The following STAB2 variants were observed in gnomAD, a reference collection of about 807,000 sequenced individuals.
The protein encoded by STAB2 is stabilin-2.
Under a neutral mutation model 338.1 loss-of-function variants are expected in STAB2, and 288 were observed. The observed-to-expected ratio is 0.85, with a 90% CI of 0.77 to 0.94. The LOEUF (loss-of-function observed/expected upper bound fraction) is 0.94. Ranked by LOEUF, STAB2 falls within the 40% of genes least tolerant of loss-of-function variation. The probability of loss-of-function intolerance (pLI) is 0.00; values close to 1 mark genes in which losing one functional copy is unlikely to be tolerated. For synonymous variants in STAB2, 1,202 were observed against 1,193.3 expected (o/e 1.01, Z -0.15); for missense variants, 3,141 against 3,210.1 (o/e 0.98, Z 0.52).
At chr12:103,749,305 C>G (rs1019515953) in intron 59 of STAB2, 149 bp downstream of exon 59, 1 of 912,208 alleles carries the variant, frequency 1.1e-6, no homozygotes, top group Admixed American at 3.0e-5. Flanking sequence ...AGTCATTGGG[C>G]TAAATGCAAG....
chr12:103,730,151 A>C lies in STAB2; in HGVS notation c.5118A>C (p.Ile1706=). The C allele has an allele frequency of 6.2e-7, 1 of 1,612,638 alleles. No homozygotes were observed. Among genetic ancestry groups the C allele is most frequent in the Non-Finnish European group, 8.5e-7 (1 of 1,179,548 alleles). The change falls in exon 49 of 69, where the codon ATA becomes ATC. Residue 1706 remains isoleucine (I), a synonymous_variant. Coordinates refer to ENST00000388887, the MANE Select transcript of STAB2 (RefSeq NM_017564.10). ...ATATAAACAATAAGGCTAAGATCATATCCAGTGATATCATCAGTACTAATG... is the reference window on the plus strand; with the variant it reads ...ATATAAACAATAAGGCTAAGATCATCTCCAGTGATATCATCAGTACTAATG... The part of the protein sequence containing the change: ...TVYINNKAKI[I]SSDIISTNGI...
chr12:103,743,540 A>G (rs1882760204), intron 56 of STAB2, among the ~76,000 whole-genome samples: 1 of 152,210 alleles, frequency 6.6e-6, no homozygotes, highest in Non-Finnish European at 1.5e-5. Flanking sequence ...ACGCAAGGGG[A>G]CCAAGCATGA....
chr12:103,758,314 G>T, intron 64 of STAB2, 25 bp downstream of exon 64: 1 of 1,610,698 alleles, frequency 6.2e-7, no homozygotes. Context: ...TGGTGCCTTT[G>T]CTTTAGACTA....
At chr12:103,673,284 C>A (rs1013165496) in intron 22 of STAB2, among the ~76,000 whole-genome samples, 1 of 152,096 alleles carries the variant, frequency 6.6e-6, no homozygotes, top group Non-Finnish European at 1.5e-5. Flanking sequence ...TTCAAAGCGT[C>A]ACATCCTCTT....
chr12:103,654,918 A>AT lies in STAB2; in HGVS notation c.1551+229dup, dbSNP rs547008988. On this transcript the variant is annotated intron_variant, in intron 13 of 68. Coordinates refer to ENST00000388887, the MANE Select transcript of STAB2 (RefSeq NM_017564.10). ...AGTAACATATGTGGGAAAGATCTGG[A>AT]TTTTTTTTTACCTCTTTTATTACTG... 5.8e-4 allele frequency: 339 copies of AT among 583,436 alleles called. No individual in the cohort carries two copies. In the South Asian group the frequency reaches 6.4e-3, roughly 11 times the overall value. The allele number at this position is 583,436 out of a possible 1,614,324, so 36.1% of individuals were successfully genotyped here.
rs1280166288 is a variant in STAB2, at chr12:103,708,769, C to A, written c.4288+233C>A. ...TTACTGATATTTTATATTAGGCTAC[C>A]AACCTTTTTCTAGGTATATAAGCAA... On this transcript the variant is annotated intron_variant, in intron 39 of 68. Transcript: ENST00000388887. 3.3e-5 allele frequency among the ~76,000 whole-genome samples: 5 copies of A among 152,272 alleles called. No individual in the cohort carries two copies. The East Asian group carries it at 9.6e-4, about 29-fold the overall frequency.
chr12:103,726,399 G>A (rs1273224110), intron 46 of STAB2, among the ~76,000 whole-genome samples: 1 of 152,208 alleles, frequency 6.6e-6, no homozygotes, highest in African/African-American at 2.4e-5. Flanking sequence ...ACTGAGGCGT[G>A]AGAATTGCTT....
chr12:103,627,861 A>C (rs1457381392), intron 5 of STAB2, among the ~76,000 whole-genome samples: 4 of 152,162 alleles, frequency 2.6e-5, no homozygotes, highest in Non-Finnish European at 4.4e-5. Flanking sequence ...AGGAATCATC[A>C]CTGTATCTCC....
intron 68 of STAB2, among the ~76,000 whole-genome samples, chr12:103,764,875 A>G (rs1482318853): frequency 6.6e-6 from 1 of 152,050 alleles, no homozygotes; most frequent in Admixed American, 6.6e-5. Context: ...AGGCAGGTGG[A>G]TCACCTGAGG....
intron 3 of STAB2, among the ~76,000 whole-genome samples, chr12:103,618,950 C>T (rs886541951): frequency 4.6e-5 from 7 of 152,260 alleles, no homozygotes; most frequent in East Asian, 3.9e-4. Context: ...ATAAGTCTCA[C>T]GACATCTGAT....
At chr12:103,734,284 A>G (rs550229123) in intron 51 of STAB2, among the ~76,000 whole-genome samples, 1 of 151,752 alleles carries the variant, frequency 6.6e-6, no homozygotes, top group East Asian at 1.9e-4. Flanking sequence ...ATCATATAGG[A>G]GCAAGCACGA....
chr12:103,604,788 C>A (rs1490960696), intron 3 of STAB2, among the ~76,000 whole-genome samples: 3 of 151,298 alleles, frequency 2.0e-5, no homozygotes, highest in Non-Finnish European at 4.4e-5. Flanking sequence ...TTTCATTCAC[C>A]AGCTTTTGGT....
Position 103,763,541 on chromosome 12 carries a change from A to C in STAB2, c.7538A>C (p.Asn2513Thr). Residue 2513 changes from asparagine to threonine, a missense_variant, in exon 68 of 69, where the codon AAT (asparagine) becomes ACT (threonine). Transcript: ENST00000388887. ...GCTCTTGGCAAGCAGCAGCCTGAGA[A>C]TATCTCGAACCCCTTGTATGAGAGC... ...VAALGKQQPE[N>T]ISNPLYESTT... The C allele has an allele frequency of 6.2e-7, 1 of 1,614,086 alleles. No homozygotes were observed. The highest frequency in any genetic ancestry group is 8.5e-7 in the Non-Finnish European group (1 of 1,180,004).
At chr12:103,598,297 A>C (rs1956906494) in intron 3 of STAB2, among the ~76,000 whole-genome samples, 2 of 152,214 alleles carry the variant, frequency 1.3e-5, no homozygotes. Context: ...GTTACAGAGA[A>C]GTCCCTGGTC....
At position 103,661,236 on chromosome 12, in the gene STAB2, AAGAG is replaced by A. The variant is rs1274925454; in HGVS notation, c.1869+480_1869+483del. On this transcript the variant is annotated intron_variant, in intron 17 of 68. Coordinates refer to ENST00000388887, the MANE Select transcript of STAB2 (RefSeq NM_017564.10). ...TCCAGACAAAAAAAAAAAAAAAAAA[AAGAG>A]AGAGAGCATGTGCAAAGACCCTGAG... 1.6e-3 allele frequency among the ~76,000 whole-genome samples: 222 copies of A among 138,716 alleles called. 1 individual carries two copies. The highest frequency in any genetic ancestry group is 5.4e-3 in the African/African-American group (209 of 38,562). 91.0% of individuals were successfully genotyped at this position (138,716 alleles called of 152,430 possible).
rs112621608 is a variant in STAB2, at chr12:103,619,753, C to T, written c.332-715C>T. The stretch of plus-strand genomic sequence containing the variant: ...CCATTTTACCTCATCAGCAACGCCC[C>T]CCGCCCCCGCCACCCCACAACTCTC... On this transcript the variant is annotated intron_variant, in intron 3 of 68. Transcript: ENST00000388887. Among the ~76,000 whole-genome samples the T allele has an allele frequency of 6.9e-3, 1,024 of 148,340 alleles. 21 individuals are homozygous for T. The highest frequency in any genetic ancestry group is 0.024 in the African/African-American group (970 of 40,034).
chr12:103,696,512 G>A (rs1301603871), intron 33 of STAB2, among the ~76,000 whole-genome samples: 2 of 152,176 alleles, frequency 1.3e-5, no homozygotes, highest in Non-Finnish European at 2.9e-5. Context: ...TAAATACCTG[G>A]AGAGGTCATT....
chr12:103,709,793 G>T (rs1404161882), intron 39 of STAB2, among the ~76,000 whole-genome samples: 1 of 152,170 alleles, frequency 6.6e-6, no homozygotes, highest in Admixed American at 6.5e-5. Flanking sequence ...CTGAGAGCCT[G>T]GGAGAGGGAA....
chr12:103,593,570 AAAAGTC>A (rs1956831354), intron 2 of STAB2, among the ~76,000 whole-genome samples: 1 of 152,214 alleles, frequency 6.6e-6, no homozygotes, highest in Admixed American at 6.5e-5. Context: ...ACCATTCAAA[AAAAGTC>A]AACTCTATCC....
Sources: gnomAD v4.1 joint callset for allele counts (sites outside exome capture counted in the v4.1 genomes callset) on GRCh38, gnomAD v4.1.1 for gene constraint, MANE v1.5 for transcripts, NCBI Gene and HGNC (gene_info 2026-07-23, HGNC 2026-07-21) for gene names.